Variants in CHSY3 observed in about 807,000 individuals in gnomAD.
CHSY3 encodes the protein chondroitin sulfate synthase 3.
Under a neutral mutation model 67.2 loss-of-function variants are expected in CHSY3, and 35 were observed. The ratio of observed to expected loss-of-function variants is 0.52; its 90% confidence interval spans 0.40 to 0.69. The LOEUF (loss-of-function observed/expected upper bound fraction) is 0.69. Among genes scored for constraint, CHSY3 ranks in the 30% least tolerant of loss-of-function variants. CHSY3 has a pLI of 0.00. For synonymous variants in CHSY3, 474 were observed against 434.7 expected, an observed-to-expected ratio of 1.09 and a Z score of -1.12; for missense variants, 1,069 against 1,138.5, an observed-to-expected ratio of 0.94 and a Z score of 0.88.
chr5:130,055,606 G>T (rs1047739154), intron 2 of CHSY3, among the ~76,000 whole-genome samples: 1 of 151,980 alleles, frequency 6.6e-6, no homozygotes, highest in African/African-American at 2.4e-5. Flanking sequence ...TGGCTTTGAG[G>T]ACATAAAATA....
In CHSY3 at chr5:130,127,069, T is replaced by C. The variant is rs575905944; in HGVS notation, c.1087-57160T>C. Among the ~76,000 whole-genome samples, 123 of 152,192 alleles carry C rather than the reference T, an allele frequency of 8.1e-4. 1 individual carries two copies. Among genetic ancestry groups the C allele is most frequent in the Non-Finnish European group, 1.5e-3 (101 of 68,030 alleles). On this transcript the variant is annotated intron_variant, in intron 2 of 2. Transcript: ENST00000305031. ...TGTATCTATTTTCCTCTGATACATATGTGGACACCATTGGGAATCTAATCT... is the reference window on the plus strand; with the variant it reads ...TGTATCTATTTTCCTCTGATACATACGTGGACACCATTGGGAATCTAATCT...
chr5:130,092,651 A>T lies in CHSY3; in HGVS notation c.1087-91578A>T, dbSNP rs150808567. 5.5e-4 allele frequency among the ~76,000 whole-genome samples: 83 copies of T among 152,266 alleles called. No individual in the cohort carries two copies. In the East Asian group the frequency reaches 0.013, roughly 23 times the overall value. On this transcript the variant is annotated intron_variant, in intron 2 of 2. Coordinates refer to ENST00000305031, the MANE Select transcript of CHSY3 (RefSeq NM_175856.5). ...ATCTGAATCTAATTTTTTAACCAAG[A>T]TACCAGGGGTTTGGTATAGGTCCTG...
chr5:130,119,888 A>G (rs1767949754), intron 2 of CHSY3, among the ~76,000 whole-genome samples: 1 of 152,186 alleles, frequency 6.6e-6, no homozygotes, highest in African/African-American at 2.4e-5. Flanking sequence ...CCATGAAAAA[A>G]TAAATAAAAG....
At chr5:130,156,807 A>G (rs1040626188) in intron 2 of CHSY3, among the ~76,000 whole-genome samples, 2 of 152,330 alleles carry the variant, frequency 1.3e-5, no homozygotes, top group African/African-American at 4.8e-5. Context: ...AGGCTTTTTG[A>G]CACCCATCTC....
intron 2 of CHSY3, among the ~76,000 whole-genome samples, chr5:130,086,744 G>T (rs960368234): frequency 6.6e-6 from 1 of 151,912 alleles, no homozygotes; most frequent in East Asian, 1.9e-4. Flanking sequence ...CAACCAAAAA[G>T]AGTCCAGGAC....
At chr5:130,073,492 T>C (rs1352902520) in intron 2 of CHSY3, among the ~76,000 whole-genome samples, 1 of 151,964 alleles carries the variant, frequency 6.6e-6, no homozygotes, top group African/African-American at 2.4e-5. Context: ...TTCACCATGT[T>C]GGCCAGGCTG....
At chr5:130,102,778 A>T (rs1239342954) in intron 2 of CHSY3, among the ~76,000 whole-genome samples, 1 of 152,118 alleles carries the variant, frequency 6.6e-6, no homozygotes, top group Non-Finnish European at 1.5e-5. Context: ...CGAGAAGAAT[A>T]AGGGAATGGG....
intron 2 of CHSY3, among the ~76,000 whole-genome samples, chr5:130,148,892 A>G (rs1338695091): frequency 1.3e-5 from 2 of 152,038 alleles, no homozygotes; most frequent in Non-Finnish European, 2.9e-5. Flanking sequence ...AGAGTTCTTT[A>G]GTTTAATTGT....
chr5:130,124,118 A>G (rs1768171723), intron 2 of CHSY3, among the ~76,000 whole-genome samples: 1 of 151,978 alleles, frequency 6.6e-6, no homozygotes. Flanking sequence ...TGACTATATA[A>G]TATAGGATTA....
At chr5:129,946,759 AT>A (rs773643615) in intron 2 of CHSY3, among the ~76,000 whole-genome samples, 1 of 152,180 alleles carries the variant, frequency 6.6e-6, no homozygotes, top group Non-Finnish European at 1.5e-5. Flanking sequence ...ATGGCAAGAT[AT>A]CCCCCTTTTT....
intron 2 of CHSY3, among the ~76,000 whole-genome samples, chr5:130,068,954 A>G (rs1322979019): frequency 6.6e-6 from 1 of 152,168 alleles, no homozygotes; most frequent in Non-Finnish European, 1.5e-5. Context: ...TGTTTTGTGC[A>G]TGAATGAATA....
intron 2 of CHSY3, among the ~76,000 whole-genome samples, chr5:129,942,350 A>T (rs1417543189): frequency 6.6e-6 from 1 of 152,180 alleles, no homozygotes; most frequent in African/African-American, 2.4e-5. Flanking sequence ...TGAGTTCATT[A>T]TTTTCTTATA....
At chr5:130,036,998 T>C (rs1235434858) in intron 2 of CHSY3, among the ~76,000 whole-genome samples, 1 of 152,106 alleles carries the variant, frequency 6.6e-6, no homozygotes, top group Non-Finnish European at 1.5e-5. Flanking sequence ...TCATGTGGCA[T>C]GTAGATCCTC....
chr5:130,150,333 A>C (rs1265081391), intron 2 of CHSY3, among the ~76,000 whole-genome samples: 1 of 152,178 alleles, frequency 6.6e-6, no homozygotes, highest in Non-Finnish European at 1.5e-5. Flanking sequence ...AGAAATTATA[A>C]ATTGTAATCA....
intron 2 of CHSY3, among the ~76,000 whole-genome samples, chr5:130,182,054 A>G (rs1770265410): frequency 6.6e-6 from 1 of 152,036 alleles, no homozygotes; most frequent in Non-Finnish European, 1.5e-5. Context: ...ACTGACTCAT[A>G]GGGAATATGT....
At chr5:129,990,043 A>G (rs1448166515) in intron 2 of CHSY3, among the ~76,000 whole-genome samples, 1 of 152,194 alleles carries the variant, frequency 6.6e-6, no homozygotes, top group Non-Finnish European at 1.5e-5. Context: ...CTTAATAGAT[A>G]ATCAAGTTAA....
rs556782939 is a variant in CHSY3, at chr5:129,932,669, A to G, written c.1086+24309A>G. On this transcript the variant is annotated intron_variant, in intron 2 of 2. Coordinates refer to ENST00000305031, the MANE Select transcript of CHSY3 (RefSeq NM_175856.5). Reference sequence around the variant, plus strand: ...TTAGTTTATGTATATTAAATGCAATAATGTTTCCGTGTTTCCCAGAAAGTT... The same window carrying G: ...TTAGTTTATGTATATTAAATGCAATGATGTTTCCGTGTTTCCCAGAAAGTT... Among the ~76,000 whole-genome samples the G allele has an allele frequency of 4.6e-5, 7 of 152,248 alleles. No individual in the cohort carries two copies. In the South Asian group the frequency reaches 1.4e-3, roughly 32 times the overall value.
chr5:130,058,382 C>T (rs939613986), intron 2 of CHSY3, among the ~76,000 whole-genome samples: 1 of 152,112 alleles, frequency 6.6e-6, no homozygotes, highest in Non-Finnish European at 1.5e-5. Context: ...AATCCCAGCA[C>T]TTTGGGAGGC....
intron 2 of CHSY3, among the ~76,000 whole-genome samples, chr5:130,124,277 A>G (rs767718222): frequency 6.6e-6 from 1 of 152,116 alleles, no homozygotes; most frequent in Non-Finnish European, 1.5e-5. Flanking sequence ...GTGAGCTTCA[A>G]CTTGCATTGT....
Sources: gnomAD v4.1 joint callset for allele counts (sites outside exome capture counted in the v4.1 genomes callset) on GRCh38, gnomAD v4.1.1 for gene constraint, MANE v1.5 for transcripts, NCBI Gene and HGNC (gene_info 2026-07-23, HGNC 2026-07-21) for gene names.